CDH13: variants seen among roughly 807,000 people sequenced by gnomAD.
CDH13 encodes cadherin 13.
Under a neutral mutation model 63.8 loss-of-function variants are expected in CDH13, and 24 were observed. The observed-to-expected ratio is 0.38, with a 90% confidence interval of 0.27 to 0.53. The LOEUF is 0.53. CDH13 is among the 20% of genes least tolerant of loss of function. The pLI is 0.85. For missense variants in CDH13, 1,049 were observed against 903.1 expected (o/e 1.16, Z -2.07); for synonymous variants, 503 against 355.3 (o/e 1.42, Z -4.67).
At chr16:83,232,549 C>CAA (rs752481819) in intron 5 of CDH13, among the ~76,000 whole-genome samples, 2 of 104,474 alleles carry the variant, frequency 1.9e-5, no homozygotes, top group Admixed American at 9.2e-5. Context: ...CAACAACAAA[C>CAA]AAACAAAAAA....
intron 6 of CDH13, among the ~76,000 whole-genome samples, chr16:83,363,734 C>T (rs370997392): frequency 1.8e-4 from 27 of 152,310 alleles, no homozygotes; most frequent in African/African-American, 5.8e-4. Flanking sequence ...TGGGAGGTGG[C>T]AGATCCTTTG....
At chr16:83,027,103 C>A (rs1177877334) in intron 2 of CDH13, among the ~76,000 whole-genome samples, 1 of 70,184 alleles carries the variant, frequency 1.4e-5, no homozygotes, top group Non-Finnish European at 2.5e-5. Context: ...AGAAGGGAGA[C>A]CCCCCCCCCC....
chr16:82,627,167 T>C lies in CDH13; in HGVS notation c.45+30T>C, dbSNP rs748410400. 5 of 1,572,276 alleles carry C rather than the reference T, an allele frequency of 3.2e-6. No homozygotes were observed. In the African/African-American group the frequency reaches 6.8e-5, roughly 21 times the overall value. Reference sequence around the variant, plus strand: ...GGAAGAGGGGCTGCCGGGCGCGCTCTGCGCCCCGTTTCTGCATTCGGATCG... The same window carrying C: ...GGAAGAGGGGCTGCCGGGCGCGCTCCGCGCCCCGTTTCTGCATTCGGATCG... On this transcript the variant is annotated intron_variant, in intron 1 of 13. Transcript: ENST00000567109.
chr16:83,127,115 A>C (rs376139518), intron 4 of CDH13, among the ~76,000 whole-genome samples: 16 of 152,298 alleles, frequency 1.1e-4, no homozygotes, highest in African/African-American at 3.8e-4. Flanking sequence ...TCTACATTGC[A>C]AAGGCCTGAA....
chr16:83,518,937 C>T (rs1415495570), intron 7 of CDH13, among the ~76,000 whole-genome samples: 2 of 152,146 alleles, frequency 1.3e-5, no homozygotes, highest in Non-Finnish European at 1.5e-5. Flanking sequence ...TTATAAATTA[C>T]CCAGTCTCTG....
intron 6 of CDH13, among the ~76,000 whole-genome samples, chr16:83,440,534 C>T (rs1433483860): frequency 6.6e-6 from 1 of 152,144 alleles, no homozygotes; most frequent in Non-Finnish European, 1.5e-5. Flanking sequence ...AGTCCCAGAG[C>T]TTCAGGAGGC....
chr16:82,662,319 T>A (rs1912045180), intron 1 of CDH13, among the ~76,000 whole-genome samples: 2 of 150,288 alleles, frequency 1.3e-5, no homozygotes, highest in African/African-American at 4.9e-5. Context: ...ATTAGTTACC[T>A]TGAGGAGGCG....
At position 83,260,264 on chromosome 16, in the gene CDH13, A is replaced by G. The variant is rs117773692; in HGVS notation, c.636+42767A>G. ...GACCTATAAATTGATTTTATGATCT[A>G]AAAATGAATTGTGAAACCTGGTTTA... On this transcript the variant is annotated intron_variant, in intron 5 of 13. Transcript: ENST00000567109. 7.1e-3 allele frequency among the ~76,000 whole-genome samples: 1,088 copies of G among 152,300 alleles called. 5 individuals are homozygous for G. The highest frequency in any genetic ancestry group is 0.011 in the Non-Finnish European group (728 of 68,028).
At chr16:82,817,792 G>C (rs2037796774) in intron 1 of CDH13, among the ~76,000 whole-genome samples, 1 of 152,110 alleles carries the variant, frequency 6.6e-6, no homozygotes. Flanking sequence ...GCCACAGAGT[G>C]AGACTCCATC....
intron 10 of CDH13, among the ~76,000 whole-genome samples, chr16:83,706,095 C>A (rs1907001447): frequency 6.6e-6 from 1 of 152,174 alleles, no homozygotes; most frequent in South Asian, 2.1e-4. Flanking sequence ...GAGGCCTTAG[C>A]TGGAATCCCC....
intron 1 of CDH13, among the ~76,000 whole-genome samples, chr16:82,768,017 T>C (rs2035126632): frequency 1.3e-5 from 2 of 151,798 alleles, no homozygotes; most frequent in African/African-American, 2.4e-5. Context: ...CCCTGAGTCA[T>C]GGGCGTGCCT....
intron 6 of CDH13, among the ~76,000 whole-genome samples, chr16:83,399,538 A>G (rs1333945010): frequency 2.0e-5 from 3 of 152,048 alleles, no homozygotes; most frequent in Non-Finnish European, 2.9e-5. Context: ...GACCTTGACG[A>G]TCTTTCATTG....
chr16:82,916,797 C>A (rs1716863694), intron 2 of CDH13, among the ~76,000 whole-genome samples: 1 of 151,782 alleles, frequency 6.6e-6, no homozygotes, highest in Admixed American at 6.6e-5. Context: ...AGCAGGAGAC[C>A]TAAAAAATAT....
chr16:83,605,342 G>A (rs1908224932), intron 8 of CDH13, among the ~76,000 whole-genome samples: 1 of 152,202 alleles, frequency 6.6e-6, no homozygotes, highest in African/African-American at 2.4e-5. Context: ...TAAACTTTCT[G>A]TCGTGTTCCT....
At position 83,783,462 on chromosome 16, in the gene CDH13, C is replaced by T. The variant is rs368686949; in HGVS notation, c.2124C>T (p.Phe708=). 2 of 1,613,722 alleles carry T rather than the reference C, an allele frequency of 1.2e-6. No individual in the cohort carries two copies. The highest frequency in any genetic ancestry group is 1.7e-6 in the Non-Finnish European group (2 of 1,179,774). Residue 708 remains phenylalanine (F), a synonymous_variant, in exon 13 of 14, where the codon TTC becomes TTT. Coordinates refer to ENST00000567109, the MANE Select transcript of CDH13 (RefSeq NM_001257.5). The part of the protein sequence containing the change: ...SLPSVLLLSL[F]SLACL ...CCTCAGTCCTGCTCCTCAGCCTCTT[C>T]AGCTTAGCTTGTAAGTTGACCTAAC... is the stretch of plus-strand genomic sequence containing the variant.
intron 8 of CDH13, among the ~76,000 whole-genome samples, chr16:83,652,994 G>A (rs561732975): frequency 3.3e-5 from 5 of 152,298 alleles, no homozygotes; most frequent in Middle Eastern, 3.4e-3. Context: ...ACTGATCCAC[G>A]CTACAGTGTG....
chr16:83,495,466 A>G (rs188080153), intron 7 of CDH13, among the ~76,000 whole-genome samples: 3 of 152,172 alleles, frequency 2.0e-5, no homozygotes, highest in Non-Finnish European at 4.4e-5. Context: ...GAGAGACTAG[A>G]TGGTAAATGT....
intron 1 of CDH13, among the ~76,000 whole-genome samples, chr16:82,849,268 C>A (rs1405803635): frequency 1.3e-5 from 2 of 152,246 alleles, no homozygotes; most frequent in Middle Eastern, 3.4e-3. Context: ...CTTTCGGAGA[C>A]CAAAGCAGGT....
At chr16:82,674,664 A>G (rs1357852305) in intron 1 of CDH13, among the ~76,000 whole-genome samples, 3 of 152,228 alleles carry the variant, frequency 2.0e-5, no homozygotes, top group Non-Finnish European at 2.9e-5. Flanking sequence ...CATTATTGAG[A>G]AATATGAGAT....
Sources: gnomAD v4.1 joint callset for allele counts (sites outside exome capture counted in the v4.1 genomes callset) on GRCh38, gnomAD v4.1.1 for gene constraint, MANE v1.5 for transcripts, NCBI Gene and HGNC (gene_info 2026-07-23, HGNC 2026-07-21) for gene names.